Variants in ANKRD6 observed in about 807,000 individuals in gnomAD.
The protein encoded by ANKRD6 is ankyrin repeat domain 6.
A neutral mutation model predicts 82.3 loss-of-function variants in ANKRD6; 56 were observed. The observed-to-expected ratio is 0.68, with a 90% CI of 0.55 to 0.85. ANKRD6 has a LOEUF of 0.85. Among genes scored for constraint, ANKRD6 ranks in the 40% least tolerant of loss-of-function variants. ANKRD6 has a pLI of 0.00. For synonymous variants in ANKRD6, 347 were observed against 352.1 expected, an observed-to-expected ratio of 0.99 and a Z score of 0.16; for missense variants, 852 against 907.6, an observed-to-expected ratio of 0.94 and a Z score of 0.79.
At chr6:89,560,516 G>A (rs1787243036) in intron 1 of ANKRD6, among the ~76,000 whole-genome samples, 2 of 152,228 alleles carry the variant, frequency 1.3e-5, no homozygotes, top group Admixed American at 6.5e-5. Context: ...GTTCATAGCA[G>A]AAGCTTATAG....
rs1427386438 is a variant in ANKRD6, at chr6:89,630,805, C to T, written c.1985C>T (p.Ser662Phe). ...ACTGGCCCTCACATTCGGGACACCT[C>T]CCAAGCTCTGGAGCTTACCCAGTAT... ...EQTGPHIRDT[S>F]QALELTQYFF... The change falls in exon 16 of 16, where the codon TCC (serine) becomes TTC (phenylalanine). Residue 662 changes from serine to phenylalanine, a missense_variant. Physicochemically the swap from Ser to Phe is radical, Grantham distance 155 (BLOSUM62 -2). Coordinates refer to ENST00000339746, the MANE Select transcript of ANKRD6 (RefSeq NM_001242809.2). 1 of 1,613,972 alleles carries T rather than the reference C, an allele frequency of 6.2e-7. No homozygotes were observed. The highest frequency in any genetic ancestry group is 2.2e-5 in the East Asian group (1 of 44,884).
chr6:89,467,084 C>T (rs1175724401), intron 1 of ANKRD6, among the ~76,000 whole-genome samples: 1 of 151,648 alleles, frequency 6.6e-6, no homozygotes, highest in Non-Finnish European at 1.5e-5. Context: ...TGGCATGTGC[C>T]GTAGTCTAGC....
chr6:89,568,404 T>C (rs1282085451), intron 2 of ANKRD6: 1 of 152,250 alleles, frequency 6.6e-6, no homozygotes, highest in Non-Finnish European at 1.5e-5. Context: ...TGCAAGTTTT[T>C]TCTATACATA....
chr6:89,471,035 G>A (rs73752763), intron 1 of ANKRD6, among the ~76,000 whole-genome samples: 191 of 152,014 alleles, frequency 1.3e-3, no homozygotes, highest in African/African-American at 4.4e-3. Context: ...GTAAGTTAAC[G>A]CCTGTGTGTG....
At chr6:89,456,492 G>C (rs945049097) in intron 1 of ANKRD6, among the ~76,000 whole-genome samples, 3 of 152,128 alleles carry the variant, frequency 2.0e-5, no homozygotes, top group South Asian at 2.1e-4. Context: ...ACTTGGTCTT[G>C]CCTCTGTGCG....
intron 1 of ANKRD6, among the ~76,000 whole-genome samples, chr6:89,485,255 A>C (rs1011894009): frequency 6.6e-6 from 1 of 152,238 alleles, no homozygotes; most frequent in Non-Finnish European, 1.5e-5. Flanking sequence ...CAATACGCTC[A>C]GTGTCTGTCT....
intron 1 of ANKRD6, among the ~76,000 whole-genome samples, chr6:89,448,985 G>A (rs1313134773): frequency 6.9e-5 from 10 of 143,904 alleles, no homozygotes; most frequent in Non-Finnish European, 1.2e-4. Context: ...AGCCGAGATC[G>A]CGCCACTGCA....
At chr6:89,547,880 A>G (rs1785315737) in intron 1 of ANKRD6, among the ~76,000 whole-genome samples, 1 of 152,124 alleles carries the variant, frequency 6.6e-6, no homozygotes, top group Admixed American at 6.5e-5. Context: ...TGGTTCTCAC[A>G]GTAACCATAT....
Position 89,623,907 on chromosome 6 carries a change from C to A in ANKRD6, c.1068C>A (p.Asp356Glu). The A allele has an allele frequency of 6.2e-7, 1 of 1,613,818 alleles. No individual in the cohort carries two copies. The highest frequency in any genetic ancestry group is 1.3e-5 in the African/African-American group (1 of 75,016). ...TTTCTGACCCCACCCCACCAGCCGA[C>A]CAACAGCCTGGACACCAGAAGAACC... ...SAFSDPTPPA[D>E]QQPGHQKNLH... Residue 356 changes from aspartate (D) to glutamate (E), a missense_variant, in exon 12 of 16, where the codon GAC becomes GAA. By Grantham distance (45) the Asp-to-Glu change is conservative (BLOSUM62 2). Coordinates refer to ENST00000339746, the MANE Select transcript of ANKRD6 (RefSeq NM_001242809.2).
chr6:89,602,048 A>C (rs1349795250), intron 3 of ANKRD6: 1 of 152,186 alleles, frequency 6.6e-6, no homozygotes, highest in Non-Finnish European at 1.5e-5. Flanking sequence ...GACACACCTG[A>C]GGTCCAGCAG....
At chr6:89,450,828 T>C (rs1403093384) in intron 1 of ANKRD6, among the ~76,000 whole-genome samples, 1 of 152,144 alleles carries the variant, frequency 6.6e-6, no homozygotes, top group East Asian at 1.9e-4. Flanking sequence ...ATAAGGTATG[T>C]ACATTGTTTC....
chr6:89,551,289 C>T (rs945637021), intron 1 of ANKRD6, among the ~76,000 whole-genome samples: 5 of 152,194 alleles, frequency 3.3e-5, no homozygotes, highest in Non-Finnish European at 7.3e-5. Context: ...TGTCATTCTT[C>T]TTCCTTTGCG....
chr6:89,456,288 A>T (rs983527890), intron 1 of ANKRD6, among the ~76,000 whole-genome samples: 4 of 152,184 alleles, frequency 2.6e-5, no homozygotes, highest in Admixed American at 2.6e-4. Context: ...GGTGACAAAT[A>T]TCGAACTCTG....
chr6:89,451,019 A>C (rs1772743256), intron 1 of ANKRD6, among the ~76,000 whole-genome samples: 1 of 152,206 alleles, frequency 6.6e-6, no homozygotes, highest in South Asian at 2.1e-4. Context: ...TCAAATTACT[A>C]AAATTCAGCC....
intron 1 of ANKRD6, among the ~76,000 whole-genome samples, chr6:89,552,395 C>T (rs1785977488): frequency 6.6e-6 from 1 of 152,158 alleles, no homozygotes; most frequent in African/African-American, 2.4e-5. Flanking sequence ...TACCTGAAGT[C>T]CTCCTAGTCC....
At position 89,473,326 on chromosome 6, in the gene ANKRD6, G is replaced by A. The variant is rs575738228; in HGVS notation, c.-144+39951G>A. On this transcript the variant is annotated intron_variant, in intron 1 of 15. Transcript: ENST00000339746. ...CTCGGGAGGCTGAGGCAGGAGAATC[G>A]CTTTAACCTGGCGGTGGAGTGAGCC... is the stretch of plus-strand genomic sequence containing the variant. Among the ~76,000 whole-genome samples the A allele has an allele frequency of 3.3e-5, 5 of 151,536 alleles. No homozygotes were observed. In the East Asian group the frequency reaches 7.8e-4, roughly 24 times the overall value.
chr6:89,503,218 C>T (rs369777406), intron 1 of ANKRD6, among the ~76,000 whole-genome samples: 10 of 152,204 alleles, frequency 6.6e-5, no homozygotes, highest in African/African-American at 2.4e-4. Flanking sequence ...CTGGGGTGAT[C>T]AAGGAAGGAT....
At chr6:89,627,079 G>T (rs1013508914) in intron 13 of ANKRD6, among the ~76,000 whole-genome samples, 1 of 151,552 alleles carries the variant, frequency 6.6e-6, no homozygotes, top group Non-Finnish European at 1.5e-5. Flanking sequence ...GGCTCAGGTT[G>T]TGTATTTACT....
At chr6:89,540,092 A>G (rs910075541) in intron 1 of ANKRD6, among the ~76,000 whole-genome samples, 5 of 152,194 alleles carry the variant, frequency 3.3e-5, no homozygotes, top group African/African-American at 1.2e-4. Flanking sequence ...TGCAACAAGC[A>G]TAGGAGTTCA....
Sources: allele counts gnomAD v4.1 joint callset (sites outside exome capture counted in the v4.1 genomes callset), GRCh38; gene constraint gnomAD v4.1.1; transcripts MANE v1.5; gene names NCBI Gene and HGNC (gene_info 2026-07-23, HGNC 2026-07-21).